Variants in ZNF718 observed in about 807,000 individuals in gnomAD.
ZNF718 encodes the protein zinc finger protein 718.
Under a neutral mutation model 2.6 loss-of-function variants are expected in ZNF718, and 3 were observed. The observed-to-expected ratio is 1.16, with a 90% confidence interval of 0.53 to 3.01. The LOEUF is 3.01. Ranked by LOEUF, ZNF718 falls within the 30% of genes most tolerant of loss-of-function variation. ZNF718 has a pLI of 0.03. For synonymous variants in ZNF718, 135 were observed against 77.9 expected, an observed-to-expected ratio of 1.73 and a Z score of -3.86; for missense variants, 468 against 230.0, an observed-to-expected ratio of 2.03 and a Z score of -6.69.
intron 3 of ZNF718, among the ~76,000 whole-genome samples, chr4:143,893 C>A (rs563224758): frequency 1.3e-5 from 2 of 152,072 alleles, no homozygotes; most frequent in Non-Finnish European, 2.9e-5. Flanking sequence ...AAAGCAGTTA[C>A]AGAAAGAAAA....
intron 3 of ZNF718, among the ~76,000 whole-genome samples, chr4:141,745 C>T (rs1286521431): frequency 5.3e-5 from 8 of 152,098 alleles, no homozygotes; most frequent in Non-Finnish European, 1.0e-4. Context: ...TTATAAACTG[C>T]AGAAATAATC....
chr4:165,771 C>G (rs1553816693), downstream of ZNF718, among the ~76,000 whole-genome samples: 1 of 152,088 alleles, frequency 6.6e-6, no homozygotes, highest in African/African-American at 2.4e-5. Context: ...TGCACTCCAG[C>G]CTGGGTGACA....
At chr4:152,888 CTG>C (rs1227884058) in intron 3 of ZNF718, among the ~76,000 whole-genome samples, 3 of 147,700 alleles carry the variant, frequency 2.0e-5, no homozygotes, top group South Asian at 2.2e-4. Context: ...TCTCTTCACT[CTG>C]TTGGGATTTT....
At chr4:133,195 AATATATATATATATATATAT>A (rs1164522262) in intron 3 of ZNF718, among the ~76,000 whole-genome samples, 1,668 of 20,792 alleles carry the variant, frequency 0.08, 487 homozygotes, top group African/African-American at 0.27. Flanking sequence ...AAAAAAAAAA[AATATATATATATATATATAT>A]ATATATATAT....
At chr4:182,919 T>A (rs1001490150) in intron 3 of ZNF718, among the ~76,000 whole-genome samples, 1 of 152,218 alleles carries the variant, frequency 6.6e-6, no homozygotes, top group Non-Finnish European at 1.5e-5. Flanking sequence ...GTCAGATGCA[T>A]AGATTGCAAT....
intron 3 of ZNF718, among the ~76,000 whole-genome samples, chr4:137,822 A>G (rs1332342166): frequency 6.6e-6 from 1 of 151,580 alleles, no homozygotes; most frequent in African/African-American, 2.4e-5. Context: ...AATGTAGTCC[A>G]TTTTTCTGTG....
downstream of ZNF718, among the ~76,000 whole-genome samples, chr4:164,295 A>G (rs1255666645): frequency 6.6e-6 from 1 of 152,078 alleles, no homozygotes; most frequent in Non-Finnish European, 1.5e-5. Flanking sequence ...AGACCAAGCA[A>G]TTGTGTTTGG....
chr4:159,587 T>A (rs1411806885), intron 3 of ZNF718, among the ~76,000 whole-genome samples: 6 of 152,148 alleles, frequency 3.9e-5, no homozygotes, highest in African/African-American at 1.4e-4. Flanking sequence ...TTACATCCTT[T>A]TTTTACTTTT....
In ZNF718 at chr4:161,312, T is replaced by C. The variant is rs940787582; in HGVS notation, c.627T>C (p.Asn209=). 6 of 781,044 alleles carry C rather than the reference T, an allele frequency of 7.7e-6. No individual in the cohort carries two copies. The highest frequency in any genetic ancestry group is 1.3e-5 in the South Asian group (1 of 74,584). The allele number at this position is 781,044 out of a possible 1,614,324, so 48.4% of individuals were successfully genotyped here. ...GTGAAGAATGTGGCAAAGCCTTTAATTGGTCCTCAATTCTTACTAAACATA... is the reference window on the plus strand; with the variant it reads ...GTGAAGAATGTGGCAAAGCCTTTAACTGGTCCTCAATTCTTACTAAACATA... ...YTCEECGKAF[N]WSSILTKHKR... Residue 209 remains asparagine, a synonymous_variant, in exon 4 of 4, where the codon AAT becomes AAC. Coordinates refer to ENST00000510175, the MANE Select transcript of ZNF718 (RefSeq NM_001039127.6).
chr4:189,974 T>C (rs1393983875), intron 3 of ZNF718, among the ~76,000 whole-genome samples: 8 of 152,210 alleles, frequency 5.3e-5, no homozygotes, highest in Non-Finnish European at 1.2e-4. Flanking sequence ...TTGTATGTAA[T>C]CAGTTTTACA....
intron 3 of ZNF718, among the ~76,000 whole-genome samples, chr4:178,600 G>GT (rs1184278964): frequency 3.9e-5 from 6 of 152,130 alleles, no homozygotes; most frequent in African/African-American, 1.4e-4. Context: ...TGGGTGAGAG[G>GT]TAAGAGCTCA....
At chr4:125,128 TTGTGAGGTG>T (rs1715143462) in intron 1 of ZNF718, 1 of 159,152 alleles carries the variant, frequency 6.3e-6, no homozygotes, top group South Asian at 1.6e-4. Context: ...GGAAAGGCTT[TTGTGAGGTG>T]TGTGAGGAAG....
At chr4:177,974 G>C (rs977947463) in intron 3 of ZNF718, among the ~76,000 whole-genome samples, 1 of 151,978 alleles carries the variant, frequency 6.6e-6, no homozygotes, top group African/African-American at 2.4e-5. Flanking sequence ...CAGAGAGGAC[G>C]GGAAATACCT....
At chr4:135,115 G>A (rs141809403) in intron 3 of ZNF718, among the ~76,000 whole-genome samples, 6,114 of 151,878 alleles carry the variant, frequency 0.04, 303 homozygotes, top group African/African-American at 0.12. Context: ...GGTGGCACGC[G>A]CCTGTAGTCC....
At chr4:181,587 AC>A (rs1717464423) in intron 3 of ZNF718, among the ~76,000 whole-genome samples, 1 of 152,154 alleles carries the variant, frequency 6.6e-6, no homozygotes, top group Non-Finnish European at 1.5e-5. Context: ...AATTAATTTT[AC>A]CACAAAGTAA....
At chr4:126,127 C>T (rs1715205362) in intron 1 of ZNF718, among the ~76,000 whole-genome samples, 1 of 152,218 alleles carries the variant, frequency 6.6e-6, no homozygotes, top group Non-Finnish European at 1.5e-5. Flanking sequence ...TTTTTCCTTC[C>T]CCACAAATCC....
chr4:151,110 T>A (rs187683263), intron 3 of ZNF718, among the ~76,000 whole-genome samples: 89 of 152,286 alleles, frequency 5.8e-4, no homozygotes, highest in Middle Eastern at 3.4e-3. Flanking sequence ...TTAATTAATT[T>A]ATTTATTTTT....
intron 3 of ZNF718, among the ~76,000 whole-genome samples, chr4:135,747 T>C (rs1490840511): frequency 4.2e-5 from 6 of 142,970 alleles, no homozygotes; most frequent in South Asian, 2.2e-4. Context: ...TATATGTGCA[T>C]GATTATATAA....
At chr4:155,870 T>C (rs997900339) in intron 3 of ZNF718, among the ~76,000 whole-genome samples, 1 of 152,120 alleles carries the variant, frequency 6.6e-6, no homozygotes, top group Non-Finnish European at 1.5e-5. Flanking sequence ...CATTTTGAAT[T>C]ATAGCTCCCA....
Sources: gnomAD v4.1 joint callset for allele counts (sites outside exome capture counted in the v4.1 genomes callset) on GRCh38, gnomAD v4.1.1 for gene constraint, MANE v1.5 for transcripts, NCBI Gene and HGNC (gene_info 2026-07-23, HGNC 2026-07-21) for gene names.